NCOR2: variants seen among roughly 807,000 people sequenced by gnomAD.
NCOR2 encodes CTG repeat protein 26.
A neutral mutation model predicts 262.9 loss-of-function variants in NCOR2; 81 were observed. The ratio of observed to expected loss-of-function variants is 0.31; its 90% CI spans 0.26 to 0.37. The LOEUF is 0.37. Ranked by LOEUF, NCOR2 falls within the 10% of genes least tolerant of loss-of-function variation. NCOR2 has a pLI of 1.00. For synonymous variants in NCOR2, 1,659 were observed against 1,559.3 expected (o/e 1.06, Z -1.51); for missense variants, 3,385 against 3,621.4 (o/e 0.93, Z 1.68).
At chr12:124,361,526 C>T (rs2038591790) in intron 22 of NCOR2, among the ~76,000 whole-genome samples, 1 of 152,230 alleles carries the variant, frequency 6.6e-6, no homozygotes, top group Admixed American at 6.5e-5. Context: ...TGAGGTGTGC[C>T]CGGGGCAGTC....
At chr12:124,382,324 C>T (rs1475919348) in intron 17 of NCOR2, among the ~76,000 whole-genome samples, 2 of 152,188 alleles carry the variant, frequency 1.3e-5, no homozygotes, top group East Asian at 3.9e-4. Context: ...GTAGTGGGTC[C>T]CTGCATCTGC....
At chr12:124,372,734 C>T in intron 19 of NCOR2, 124 bp from the exon 22 acceptor site, 1 of 809,640 alleles carries the variant, frequency 1.2e-6, no homozygotes, top group African/African-American at 1.7e-5. Context: ...CCCCGAGGCT[C>T]CTACACACCT....
chr12:124,385,918 G>C, intron 16 of NCOR2, 31 bp from the exon 19 acceptor site: 1 of 1,603,230 alleles, frequency 6.2e-7, no homozygotes, highest in South Asian at 1.1e-5. Flanking sequence ...AGTGAGAAGA[G>C]GCCAGGCCCG....
chr12:124,559,855 T>C (rs1364745503), intron 1 of NCOR2, among the ~76,000 whole-genome samples: 2 of 152,006 alleles, frequency 1.3e-5, no homozygotes, highest in African/African-American at 4.8e-5. Flanking sequence ...CTTTGGAAAA[T>C]TGTGAAAACG....
upstream of NCOR2, among the ~76,000 whole-genome samples, chr12:124,536,002 G>A (rs1417830648): frequency 2.6e-5 from 4 of 152,174 alleles, no homozygotes; most frequent in African/African-American, 7.2e-5. Context: ...ATGGGTCGAC[G>A]GACACCTGAA....
intron 32 of NCOR2, 114 bp downstream of exon 34, chr12:124,344,483 G>A: frequency 2.0e-6 from 2 of 1,024,944 alleles, no homozygotes; most frequent in Non-Finnish European, 2.7e-6. Flanking sequence ...TGGATGTGGT[G>A]GAAAGCGGGT....
chr12:124,465,686 G>C (rs1301065298), intron 5 of NCOR2, among the ~76,000 whole-genome samples: 8 of 151,932 alleles, frequency 5.3e-5, no homozygotes, highest in Non-Finnish European at 1.0e-4. Flanking sequence ...GTGTGACTCT[G>C]GACAAGTCAC....
chr12:124,326,053 CT>C (rs1047472613), intron 46 of NCOR2, 137 bp downstream of exon 48: 25 of 989,346 alleles, frequency 2.5e-5, no homozygotes, highest in Non-Finnish European at 3.0e-5. Flanking sequence ...GCCCAGGCCC[CT>C]GGACAGCGTT....
intron 28 of NCOR2, 151 bp downstream of exon 30, chr12:124,350,436 C>T: frequency 2.0e-6 from 2 of 997,372 alleles, no homozygotes; most frequent in Non-Finnish European, 2.9e-6. Flanking sequence ...TTCCCTGCTG[C>T]TGGCTTGCAT....
chr12:124,332,837 C>A (rs1471400616), intron 42 of NCOR2, among the ~76,000 whole-genome samples: 1 of 152,162 alleles, frequency 6.6e-6, no homozygotes, highest in East Asian at 1.9e-4. Flanking sequence ...CCCGGTCTGG[C>A]CCAGCACACC....
intron 1 of NCOR2, among the ~76,000 whole-genome samples, chr12:124,515,768 G>A (rs907638427): frequency 5.9e-5 from 9 of 152,156 alleles, no homozygotes; most frequent in African/African-American, 1.9e-4. Context: ...GGGTGTGTGC[G>A]TGAGTGTGCA....
chr12:124,335,825 G>A (rs1249155072), intron 38 of NCOR2, 193 bp from the exon 41 acceptor site: 1 of 613,320 alleles, frequency 1.6e-6, no homozygotes, highest in African/African-American at 1.8e-5. Context: ...CAAGGGAGAG[G>A]TGGAGAGAGA....
intron 22 of NCOR2, among the ~76,000 whole-genome samples, chr12:124,358,774 A>G (rs76655006): frequency 0.011 from 1,572 of 138,546 alleles, 25 homozygotes; most frequent in African/African-American, 0.041. Flanking sequence ...CGGAGTGTGC[A>G]AAGGGCATTA....
intron 18 of NCOR2, among the ~76,000 whole-genome samples, chr12:124,374,907 C>G (rs1001171509): frequency 3.9e-5 from 6 of 152,228 alleles, no homozygotes; most frequent in Non-Finnish European, 8.8e-5. Context: ...CATTGCCCCC[C>G]CACCAACCCT....
At chr12:124,364,971 C>T (rs2038907793) in intron 20 of NCOR2, among the ~76,000 whole-genome samples, 1 of 151,462 alleles carries the variant, frequency 6.6e-6, no homozygotes, top group Admixed American at 6.6e-5. Flanking sequence ...ATGGAGGTGG[C>T]CCGGCCTGCG....
intron 8 of NCOR2, among the ~76,000 whole-genome samples, chr12:124,434,493 C>T (rs2136385795): frequency 6.6e-6 from 1 of 152,228 alleles, no homozygotes; most frequent in Middle Eastern, 3.4e-3. Context: ...TTTCTCCCTC[C>T]ACCCCCTCCA....
In NCOR2 at chr12:124,372,245, C is replaced by T. The variant is rs561312737; in HGVS notation, c.2584G>A (p.Val862Ile). The T allele has an allele frequency of 1.9e-5, 30 of 1,592,572 alleles. No homozygotes were observed. The highest frequency in any genetic ancestry group is 1.4e-4 in the Admixed American group (8 of 58,976). Residue 862 changes from valine to isoleucine, a missense_variant, in exon 20 of 47, where the codon GTC becomes ATC. Around this residue, in one of 5 missense-constraint regions of NCOR2, gnomAD observed 1,615 missense variants for 1,626.9 expected, o/e 0.99. Transcript: ENST00000405201. ...GCTTCCTCCGTGCACTCGCTCTTGA[C>T]GGGCTCCTCGGCCTTCCCTGTGTCC...
intron 5 of NCOR2, among the ~76,000 whole-genome samples, chr12:124,458,011 G>A (rs570845540): frequency 1.3e-5 from 2 of 152,342 alleles, no homozygotes; most frequent in African/African-American, 2.4e-5. Flanking sequence ...GGGTTTGGGT[G>A]CCCCCTGCAC....
intron 18 of NCOR2, among the ~76,000 whole-genome samples, chr12:124,375,011 C>T (rs1458434038): frequency 6.6e-6 from 1 of 151,934 alleles, no homozygotes; most frequent in African/African-American, 2.4e-5. Flanking sequence ...TGGCTGCATA[C>T]AGGCCAGGCT....
Sources: gnomAD v4.1 joint callset for allele counts (sites outside exome capture counted in the v4.1 genomes callset) on GRCh38, gnomAD v4.1.1 for gene constraint, gnomAD v4.1.1 regional missense constraint, MANE v1.5 for transcripts, NCBI Gene and HGNC (gene_info 2026-07-23, HGNC 2026-07-21) for gene names.